PAPPA: variants seen among roughly 807,000 people sequenced by gnomAD.
PAPPA encodes the protein pappalysin-1.
In PAPPA, 60 loss-of-function variants were observed where a neutral mutation model predicts 164.0. The observed-to-expected ratio is 0.37, with a 90% CI of 0.30 to 0.45. PAPPA has a LOEUF of 0.45. Ranked by LOEUF, PAPPA falls within the 20% of genes least tolerant of loss-of-function variation. The pLI, the probability that PAPPA is intolerant of heterozygous loss-of-function variation, is 1.00. For missense variants in PAPPA, 1,782 were observed against 2,087.3 expected (o/e 0.85, Z 2.85); for synonymous variants, 875 against 814.1 (o/e 1.07, Z -1.27).
chr9:116,175,497 T>C (rs1033975154), intron 1 of PAPPA, among the ~76,000 whole-genome samples: 1 of 152,202 alleles, frequency 6.6e-6, no homozygotes, highest in Non-Finnish European at 1.5e-5. Context: ...AGTATTAATA[T>C]ACATAATTTT....
intron 10 of PAPPA, among the ~76,000 whole-genome samples, chr9:116,306,846 C>A (rs1413567570): frequency 6.6e-6 from 1 of 152,214 alleles, no homozygotes; most frequent in African/African-American, 2.4e-5. Flanking sequence ...TCCAAACAGG[C>A]ACCTCCCTCC....
chr9:116,182,034 G>A (rs753704635), intron 1 of PAPPA, among the ~76,000 whole-genome samples: 206 of 152,284 alleles, frequency 1.4e-3, no homozygotes, highest in Non-Finnish European at 2.4e-3. Flanking sequence ...TTGGCCTTTG[G>A]CACTTAATGT....
chr9:116,335,207 CCTCTGGCCGGCT>C, intron 13 of PAPPA, 133 bp downstream of exon 13: 11 of 730,972 alleles, frequency 1.5e-5, no homozygotes, highest in Non-Finnish European at 1.8e-5. Context: ...CATCCTCTGG[CCTCTGGCCGGCT>C]CTGCCTTGTG....
intron 13 of PAPPA, among the ~76,000 whole-genome samples, chr9:116,335,805 T>C (rs1846054156): frequency 6.6e-6 from 1 of 152,218 alleles, no homozygotes; most frequent in Non-Finnish European, 1.5e-5. Flanking sequence ...GGGTCATAGT[T>C]TTCTATTTTG....
intron 9 of PAPPA, among the ~76,000 whole-genome samples, chr9:116,292,371 C>G (rs923505217): frequency 1.3e-5 from 2 of 152,126 alleles, no homozygotes; most frequent in African/African-American, 4.8e-5. Flanking sequence ...GTGAGAATTG[C>G]AGCAGTGATG....
intron 13 of PAPPA, among the ~76,000 whole-genome samples, chr9:116,341,772 A>G (rs1846141269): frequency 6.6e-6 from 1 of 152,248 alleles, no homozygotes. Context: ...TAGACGAATC[A>G]GTGGATGATG....
chr9:116,346,443 G>A (rs1265150476), intron 14 of PAPPA, among the ~76,000 whole-genome samples: 4 of 152,094 alleles, frequency 2.6e-5, no homozygotes, highest in Admixed American at 6.6e-5. Flanking sequence ...TTGCCAAAGG[G>A]AGAACTCAAG....
At position 116,184,560 on chromosome 9, in the gene PAPPA, G is replaced by A. The variant is rs529808573; in HGVS notation, c.416-2594G>A. Among the ~76,000 whole-genome samples, 31 of 152,226 alleles carry A rather than the reference G, an allele frequency of 2.0e-4. 1 individual carries two copies. The highest frequency in any genetic ancestry group is 3.4e-3 in the Middle Eastern group (1 of 294). On this transcript the variant is annotated intron_variant, in intron 1 of 21. Transcript: ENST00000328252. The stretch of plus-strand genomic sequence containing the variant: ...TCTCATTTGGACAGCCGTTGTATGC[G>A]GAGGATGTCATATTCACTATGTCTT...
At chr9:116,378,997 T>C (rs575414474) in intron 20 of PAPPA, among the ~76,000 whole-genome samples, 43 of 152,264 alleles carry the variant, frequency 2.8e-4, no homozygotes, top group African/African-American at 1.0e-3. Flanking sequence ...CCTGTGGCTG[T>C]TGCTTACTTC....
chr9:116,352,596 C>A, intron 15 of PAPPA, 110 bp from the exon 16 acceptor site: 1 of 821,534 alleles, frequency 1.2e-6, no homozygotes, highest in Non-Finnish European at 2.1e-6. Context: ...TGGAATTCCA[C>A]ATAAGGGATC....
At chr9:116,204,191 C>T (rs145631797) in intron 2 of PAPPA, among the ~76,000 whole-genome samples, 1 of 152,266 alleles carries the variant, frequency 6.6e-6, no homozygotes, top group East Asian at 1.9e-4. Flanking sequence ...CCTACTTGTC[C>T]ACAGATATAG....
chr9:116,330,772 G>A (rs367782766), intron 10 of PAPPA, among the ~76,000 whole-genome samples: 1 of 152,110 alleles, frequency 6.6e-6, no homozygotes. Flanking sequence ...TGACACTCAA[G>A]ATTCTATGAG....
chr9:116,265,178 T>A (rs1401511512), intron 7 of PAPPA, among the ~76,000 whole-genome samples: 1 of 152,204 alleles, frequency 6.6e-6, no homozygotes, highest in Non-Finnish European at 1.5e-5. Context: ...AGATTCACCA[T>A]CTGTAAAATC....
intron 13 of PAPPA, among the ~76,000 whole-genome samples, chr9:116,343,756 T>TATTTATTTATTTA (rs1846169398): frequency 6.6e-6 from 1 of 150,400 alleles, no homozygotes; most frequent in Non-Finnish European, 1.5e-5. Flanking sequence ...TTTATTTATT[T>TATTTATTTATTTA]ATTTATTTAT....
rs76221537 is a variant in PAPPA at position 116,311,438 on chromosome 9, C to T, written c.3147+8488C>T. 8.1e-3 allele frequency among the ~76,000 whole-genome samples: 1,230 copies of T among 152,226 alleles called. 19 individuals carry two copies. Among genetic ancestry groups the T allele is most frequent in the African/African-American group, 0.028 (1,179 of 41,534 alleles). ...AATGGAATTAACCTTAGAGGTTAAC[C>T]TTTGAGGAGGAAGGGCGAACCTGAA... On this transcript the variant is annotated intron_variant, in intron 10 of 21. Transcript: ENST00000328252.
chr9:116,193,909 G>A (rs576354634), intron 2 of PAPPA, among the ~76,000 whole-genome samples: 1 of 152,350 alleles, frequency 6.6e-6, no homozygotes, highest in African/African-American at 2.4e-5. Flanking sequence ...GTTTGGAGAA[G>A]TTAGGAAAGG....
chr9:116,284,545 C>CTTTTTTTTTTT (rs61248033), intron 9 of PAPPA, among the ~76,000 whole-genome samples: 28 of 88,266 alleles, frequency 3.2e-4, no homozygotes, highest in African/African-American at 1.3e-3. Context: ...TAGTCTGGGC[C>CTTTTTTTTTTT]TTTTTTTTTT....
intron 10 of PAPPA, among the ~76,000 whole-genome samples, chr9:116,308,460 T>G (rs1845674557): frequency 6.6e-6 from 1 of 152,170 alleles, no homozygotes. Flanking sequence ...ACTACAAAAA[T>G]AGGAATCACT....
intron 2 of PAPPA, among the ~76,000 whole-genome samples, chr9:116,206,485 G>C (rs1338480114): frequency 6.6e-6 from 1 of 152,110 alleles, no homozygotes; most frequent in Non-Finnish European, 1.5e-5. Flanking sequence ...AGGAATTATT[G>C]AATTTGAGAC....
Sources: gnomAD v4.1 joint callset for allele counts (sites outside exome capture counted in the v4.1 genomes callset) on GRCh38, gnomAD v4.1.1 for gene constraint, MANE v1.5 for transcripts, NCBI Gene and HGNC (gene_info 2026-07-23, HGNC 2026-07-21) for gene names.